The following SLC9C2 variants were observed in gnomAD, a reference collection of about 807,000 sequenced individuals.
SLC9C2 encodes solute carrier family 9 member C2 (putative), also known as sodium/hydrogen exchanger 11.
A neutral mutation model predicts 140.2 loss-of-function variants in SLC9C2; 75 were observed. The ratio of observed to expected loss-of-function variants is 0.53; its 90% CI spans 0.44 to 0.65. The LOEUF (loss-of-function observed/expected upper bound fraction) is 0.65, where lower values mean the gene tolerates loss of function less well. Among genes scored for constraint, SLC9C2 ranks in the 30% least tolerant of loss-of-function variants. The pLI, the probability that SLC9C2 is intolerant of heterozygous loss-of-function variation, is 0.00. For missense variants in SLC9C2, 1,074 were observed against 1,331.8 expected (o/e 0.81, Z 3.01); for synonymous variants, 375 against 420.9 (o/e 0.89, Z 1.34).
At chr1:173,543,879 T>G (rs1171022419) in intron 13 of SLC9C2, among the ~76,000 whole-genome samples, 1 of 152,184 alleles carries the variant, frequency 6.6e-6, no homozygotes, top group South Asian at 2.1e-4. Flanking sequence ...GACTTAAATG[T>G]TAGACCTAAA....
intron 13 of SLC9C2, among the ~76,000 whole-genome samples, chr1:173,546,835 A>T (rs1034326533): frequency 3.9e-5 from 6 of 152,310 alleles, no homozygotes; most frequent in Admixed American, 2.0e-4. Context: ...ACTTTTAAGT[A>T]TAATGTTAGT....
intron 21 of SLC9C2, among the ~76,000 whole-genome samples, chr1:173,523,198 C>T (rs934449944): frequency 6.6e-6 from 1 of 152,022 alleles, no homozygotes; most frequent in South Asian, 2.1e-4. Flanking sequence ...ATGATGAAAC[C>T]CCGTCTCTAC....
In SLC9C2 at chr1:173,533,609, C is replaced by A. The variant is rs1217734163; in HGVS notation, c.2163G>T (p.Lys721Asn). 5.1e-6 allele frequency: 8 copies of A among 1,578,936 alleles called. No homozygotes were observed. The highest frequency in any genetic ancestry group is 6.9e-6 in the Non-Finnish European group (8 of 1,158,518). ...AATATTTTAAAATGTGAAATCTTAC[C>A]TTGAAGAGAGGAAGAAACCTAATTA... ...LRIIRFLPLF[K>N]IIVPILIRIA... is the part of the protein sequence containing the mutation. Residue 721 changes from lysine to asparagine, a missense_variant and splice_region_variant, in exon 17 of 28, where the codon AAG (lysine) becomes AAT (asparagine). Physicochemically the swap from Lys to Asn is moderately conservative, Grantham distance 94. Coordinates refer to ENST00000367714, the MANE Select transcript of SLC9C2 (RefSeq NM_178527.4).
intron 4 of SLC9C2, among the ~76,000 whole-genome samples, chr1:173,597,358 T>A (rs12080900): frequency 0.055 from 8,362 of 151,184 alleles, 751 homozygotes; most frequent in African/African-American, 0.19. Flanking sequence ...AAAAAGAAAA[T>A]TTAAAACCTT....
At chr1:173,564,616 G>A (rs1229888882) in intron 9 of SLC9C2, among the ~76,000 whole-genome samples, 2 of 150,758 alleles carry the variant, frequency 1.3e-5, no homozygotes, top group Non-Finnish European at 2.9e-5. Context: ...CTCACCAGAT[G>A]GGTAGTTTTC....
chr1:173,568,916 A>T (rs370114478), intron 9 of SLC9C2, among the ~76,000 whole-genome samples: 79 of 152,258 alleles, frequency 5.2e-4, no homozygotes, highest in Middle Eastern at 3.4e-3. Context: ...ATATCTTCTG[A>T]TGATTTCTTA....
chr1:173,539,473 A>G (rs1237703095), intron 13 of SLC9C2, among the ~76,000 whole-genome samples: 1 of 152,226 alleles, frequency 6.6e-6, no homozygotes, highest in Non-Finnish European at 1.5e-5. Context: ...ATTCACTAAC[A>G]CTTGGAATAT....
At chr1:173,599,212 G>A (rs1458289354) in intron 3 of SLC9C2, among the ~76,000 whole-genome samples, 1 of 151,638 alleles carries the variant, frequency 6.6e-6, no homozygotes. Flanking sequence ...TCCGCTTCCC[G>A]GGTTCACGCC....
chr1:173,530,114 G>T, intron 17 of SLC9C2, 60 bp from the exon 18 acceptor site: 1 of 1,462,556 alleles, frequency 6.8e-7, no homozygotes, highest in Non-Finnish European at 9.2e-7. Context: ...AGCACCCTCT[G>T]AGGCAGAAAT....
At chr1:173,579,534 G>A (rs1212076371) in intron 7 of SLC9C2, among the ~76,000 whole-genome samples, 7 of 152,230 alleles carry the variant, frequency 4.6e-5, no homozygotes, top group East Asian at 1.9e-4. Context: ...AGTTCTCTGC[G>A]ATCTCCACCT....
chr1:173,582,326 A>G (rs1175366946), intron 6 of SLC9C2, among the ~76,000 whole-genome samples: 7 of 152,242 alleles, frequency 4.6e-5, no homozygotes, highest in African/African-American at 1.2e-4. Flanking sequence ...AACAAAAAAA[A>G]TCTAAATTAA....
At chr1:173,600,736 G>A (rs12089930) in intron 2 of SLC9C2, among the ~76,000 whole-genome samples, 62,008 of 152,006 alleles carry the variant, frequency 0.41, 16,485 homozygotes, top group African/African-American at 0.75. Flanking sequence ...CTACTGGAGC[G>A]TTTGTCTCTA....
At chr1:173,510,810 C>G (rs141116450) in intron 23 of SLC9C2, among the ~76,000 whole-genome samples, 7,287 of 152,130 alleles carry the variant, frequency 0.048, 626 homozygotes, top group African/African-American at 0.17. Context: ...GTGCATGTGT[C>G]TTTATAGTAG....
At chr1:173,520,768 G>C (rs898240226) in intron 22 of SLC9C2, among the ~76,000 whole-genome samples, 1 of 152,146 alleles carries the variant, frequency 6.6e-6, no homozygotes, top group African/African-American at 2.4e-5. Context: ...CCATATTAAG[G>C]ATTTGTCATT....
chr1:173,597,813 T>C, intron 4 of SLC9C2, 91 bp downstream of exon 4: 3 of 1,252,372 alleles, frequency 2.4e-6, no homozygotes, highest in South Asian at 1.6e-5. Flanking sequence ...TGACATTTTG[T>C]GAATTATTAA....
chr1:173,599,362 ATTTTTTTTTTTTTTTTTT>A (rs61579339), intron 3 of SLC9C2, among the ~76,000 whole-genome samples: 5 of 68,122 alleles, frequency 7.3e-5, no homozygotes, highest in Non-Finnish European at 1.4e-4. Context: ...ATTTTCCTTG[ATTTTTTTTTTTTTTTTTT>A]TTTTTTTTTT....
chr1:173,566,004 T>C (rs12066061), intron 9 of SLC9C2, among the ~76,000 whole-genome samples: 24,906 of 152,094 alleles, frequency 0.16, 6,772 homozygotes, highest in African/African-American at 0.57. Context: ...TGTTGAACCA[T>C]CCCTGCATCC....
Position 173,602,927 on chromosome 1 carries a change from A to T in SLC9C2, c.-256T>A, listed in dbSNP as rs932227081. ...CTATCCTCACATGTAATGACCCTCAAATTAAGTTCTACAAATTACCCAGAT... is the reference window on the plus strand; with the variant it reads ...CTATCCTCACATGTAATGACCCTCATATTAAGTTCTACAAATTACCCAGAT... On this transcript the variant is annotated 5_prime_UTR_variant, in exon 1 of 28. In the 5' UTR this introduces an upstream ATG that the reference lacks. Transcript: ENST00000367714. The T allele has an allele frequency of 6.6e-6, 1 of 152,216 alleles. No individual in the cohort carries two copies. Among genetic ancestry groups the T allele is most frequent in the African/African-American group, 2.4e-5 (1 of 41,446 alleles). The allele number at this position is 152,216 out of a possible 1,614,324, so 9.4% of individuals were successfully genotyped here.
At chr1:173,583,656 G>C in intron 5 of SLC9C2, 34 bp from the exon 6 acceptor site, 1 of 1,062,776 alleles carries the variant, frequency 9.4e-7, no homozygotes, top group Non-Finnish European at 1.4e-6. Flanking sequence ...AACTCAATAT[G>C]CTACATGAAA....
Sources: allele counts gnomAD v4.1 joint callset (sites outside exome capture counted in the v4.1 genomes callset), GRCh38; gene constraint gnomAD v4.1.1; transcripts MANE v1.5; gene names NCBI Gene and HGNC (gene_info 2026-07-23, HGNC 2026-07-21).